RAB27B: variants seen among roughly 807,000 people sequenced by gnomAD.
The protein encoded by RAB27B is ras-related protein Rab-27B.
Under a neutral mutation model 24.6 loss-of-function variants are expected in RAB27B, and 15 were observed. That is an observed-to-expected ratio of 0.61 (90% CI 0.41 to 0.94). The LOEUF (loss-of-function observed/expected upper bound fraction) is 0.94. RAB27B is among the 40% of genes least tolerant of loss of function. RAB27B has a pLI of 0.00. For synonymous variants in RAB27B, 105 were observed against 92.5 expected (o/e 1.14, Z -0.78); for missense variants, 261 against 266.8 (o/e 0.98, Z 0.15).
chr18:54,892,902 G>C lies in RAB27B; in HGVS notation c.*3489G>C, dbSNP rs1275430229. ...CGAGAGTTTTAATCAGCCTTTTCTT[G>C]TCCCCTTTGTAAGAAAGAGATGCTT... On this transcript the variant is annotated 3_prime_UTR_variant, in exon 6 of 6. Coordinates refer to ENST00000262094, the MANE Select transcript of RAB27B (RefSeq NM_004163.4). 2 of 151,950 alleles carry C rather than the reference G, an allele frequency of 1.3e-5. No homozygotes were observed. 9.4% of individuals were successfully genotyped at this position (151,950 alleles called of 1,614,324 possible).
At chr18:54,867,423 CTTTCT>C (rs199804927) in intron 1 of RAB27B, among the ~76,000 whole-genome samples, 2 of 124,796 alleles carry the variant, frequency 1.6e-5, no homozygotes, top group East Asian at 2.4e-4. Context: ...AAGCCTGATG[CTTTCT>C]TTTCTTTTCT....
rs180921227 is a variant in RAB27B at position 54,747,601 on chromosome 18, C to G, written c.-20+29460C>G. ...ATCTGAATAATAGGTCTTGACATTT[C>G]AGTGCACATGTGTTTGTGTGTATGT... is the stretch of plus-strand genomic sequence containing the variant. On this transcript the variant is annotated intron_variant, in intron 2 of 4. Coordinates refer to the RAB27B transcript ENST00000586570. Among the ~76,000 whole-genome samples the G allele has an allele frequency of 1.8e-3, 271 of 152,260 alleles. 1 individual carries two copies. The highest frequency in any genetic ancestry group is 0.011 in the Admixed American group (172 of 15,282).
chr18:54,824,527 G>A (rs1252067445), upstream of RAB27B, among the ~76,000 whole-genome samples: 1 of 152,148 alleles, frequency 6.6e-6, no homozygotes, highest in Non-Finnish European at 1.5e-5. Flanking sequence ...GTCTTCTAGG[G>A]GCTTAGAGCT....
At chr18:54,805,887 A>G (rs563472705) in intron 2 of RAB27B, among the ~76,000 whole-genome samples, 4 of 152,298 alleles carry the variant, frequency 2.6e-5, no homozygotes, top group African/African-American at 9.6e-5. Context: ...TTATAATTTA[A>G]GTCCTCAAAT....
intron 2 of RAB27B, among the ~76,000 whole-genome samples, chr18:54,798,297 T>C (rs1169814024): frequency 6.6e-6 from 1 of 152,244 alleles, no homozygotes. Context: ...GAATCCATGA[T>C]TGAAGTGTAT....
chr18:54,844,345 C>T (rs575896530), intron 1 of RAB27B, among the ~76,000 whole-genome samples: 46 of 151,744 alleles, frequency 3.0e-4, no homozygotes, highest in African/African-American at 8.0e-4. Flanking sequence ...CATGAACTAA[C>T]GTACTTTTCA....
chr18:54,752,940 G>GATAGAGGAAGTGAT (rs1218539942), intron 2 of RAB27B, among the ~76,000 whole-genome samples: 1 of 152,156 alleles, frequency 6.6e-6, no homozygotes, highest in African/African-American at 2.4e-5. Context: ...GTGATTGACT[G>GATAGAGGAAGTGAT]ATAGAGGAAG....
At chr18:54,757,937 T>G (rs1318027654) in intron 2 of RAB27B, among the ~76,000 whole-genome samples, 1 of 152,110 alleles carries the variant, frequency 6.6e-6, no homozygotes, top group Non-Finnish European at 1.5e-5. Context: ...TCTAGAAATA[T>G]TTTTATTAGT....
At chr18:54,796,986 G>A (rs139510188) in intron 2 of RAB27B, among the ~76,000 whole-genome samples, 23 of 152,296 alleles carry the variant, frequency 1.5e-4, no homozygotes, top group African/African-American at 4.6e-4. Flanking sequence ...AGTCATTGCC[G>A]TCTTTTCTCC....
At chr18:54,771,236 A>G (rs1908538302) in intron 2 of RAB27B, among the ~76,000 whole-genome samples, 2 of 152,094 alleles carry the variant, frequency 1.3e-5, no homozygotes, top group Non-Finnish European at 2.9e-5. Context: ...GGTTTTCATA[A>G]ACAGTTTTAT....
chr18:54,811,205 A>G (rs1183825734), intron 2 of RAB27B, among the ~76,000 whole-genome samples: 1 of 152,294 alleles, frequency 6.6e-6, no homozygotes, highest in South Asian at 2.1e-4. Flanking sequence ...TGTGAACTCA[A>G]TAGTATCTGA....
chr18:54,843,384 C>G (rs553192788), intron 1 of RAB27B, among the ~76,000 whole-genome samples: 2 of 151,728 alleles, frequency 1.3e-5, no homozygotes, highest in Non-Finnish European at 2.9e-5. Context: ...CAGTGCCAGC[C>G]TATTCTATAT....
At chr18:54,782,453 C>G (rs1908946230) in intron 2 of RAB27B, among the ~76,000 whole-genome samples, 1 of 152,100 alleles carries the variant, frequency 6.6e-6, no homozygotes, top group Non-Finnish European at 1.5e-5. Flanking sequence ...TTTTTTGCAG[C>G]AATAACTTAG....
intron 1 of RAB27B, among the ~76,000 whole-genome samples, chr18:54,844,140 A>C (rs942200302): frequency 6.6e-6 from 1 of 152,228 alleles, no homozygotes; most frequent in Admixed American, 6.5e-5. Context: ...CAATATATCA[A>C]TATCTTCTGA....
Position 54,888,036 on chromosome 18 carries a change from G to T in RAB27B, c.385G>T (p.Val129Leu). ...ANAYCENPDI[V>L]LIGNKADLPD... The stretch of plus-strand genomic sequence containing the variant: ...TGCTTATTGTGAAAATCCAGATATA[G>T]TATTAATTGGCAACAAGGCAGACCT... Residue 129 changes from valine (V) to leucine (L), a missense_variant, in exon 5 of 6, where the codon GTA becomes TTA. Physicochemically the swap from Val to Leu is conservative, Grantham distance 32. Coordinates refer to ENST00000262094, the MANE Select transcript of RAB27B (RefSeq NM_004163.4). 1.2e-6 allele frequency: 2 copies of T among 1,613,006 alleles called. No individual in the cohort carries two copies. Among genetic ancestry groups the T allele is most frequent in the Non-Finnish European group, 8.5e-7 (1 of 1,179,288 alleles).
chr18:54,762,087 G>A lies in RAB27B; in HGVS notation c.-20+43946G>A, dbSNP rs368017856. On this transcript the variant is annotated intron_variant, in intron 2 of 4. Transcript: ENST00000586570. ...TTGGAGTAATGCGTCTACAAGCCAA[G>A]GAACAACAGAAATTGGCAGCGTAAG... Among the ~76,000 whole-genome samples the A allele has an allele frequency of 1.1e-3, 160 of 152,290 alleles. 4 individuals carry two copies. The South Asian group carries it at 0.028, about 27-fold the overall frequency.
chr18:54,793,266 A>G (rs1175948148), intron 2 of RAB27B, among the ~76,000 whole-genome samples: 1 of 152,186 alleles, frequency 6.6e-6, no homozygotes, highest in Non-Finnish European at 1.5e-5. Flanking sequence ...CAAAACAGAA[A>G]CAGAATTCGT....
chr18:54,872,625 T>TAAAA lies in RAB27B; in HGVS notation c.-19-4930_-19-4927dup, dbSNP rs67765103. On this transcript the variant is annotated intron_variant, in intron 1 of 5. Coordinates refer to ENST00000262094, the MANE Select transcript of RAB27B (RefSeq NM_004163.4). Reference sequence around the variant, plus strand: ...GGGCAAGAAGAGTGAAACTCTGCCTTAAAAAAAAAAAAAAAGAAAAAAGAA... The same window carrying TAAAA: ...GGGCAAGAAGAGTGAAACTCTGCCTTAAAAAAAAAAAAAAAAAAAGAAAAAAGAA... Among the ~76,000 whole-genome samples the TAAAA allele has an allele frequency of 2.5e-4, 35 of 137,576 alleles. 1 individual carries two copies. The highest frequency in any genetic ancestry group is 9.6e-4 in the African/African-American group (35 of 36,526). The allele number at this position is 137,576 out of a possible 152,430, so 90.3% of individuals were successfully genotyped here. A position where few individuals can be genotyped will look rare whatever the true frequency, so the allele number is the denominator to read the frequency against.
intron 1 of RAB27B, among the ~76,000 whole-genome samples, chr18:54,865,677 G>A (rs1179615782): frequency 1.3e-5 from 2 of 152,178 alleles, no homozygotes; most frequent in Non-Finnish European, 1.5e-5. Context: ...GCATCCACAC[G>A]TCTTCTTTTG....
Sources: gnomAD v4.1 joint callset for allele counts (sites outside exome capture counted in the v4.1 genomes callset) on GRCh38, gnomAD v4.1.1 for gene constraint, MANE v1.5 for transcripts, NCBI Gene and HGNC (gene_info 2026-07-23, HGNC 2026-07-21) for gene names.